AKAIN1: variants seen among roughly 807,000 people sequenced by gnomAD.
AKAIN1 encodes the protein A-kinase anchor inhibitor 1.
A neutral mutation model predicts 3.7 loss-of-function variants in AKAIN1; 3 were observed. The observed-to-expected ratio is 0.82, with a 90% confidence interval of 0.37 to 2.12. The LOEUF (loss-of-function observed/expected upper bound fraction) is 2.12, where lower values mean the gene tolerates loss of function less well. Among genes scored for constraint, AKAIN1 ranks in the 30% most tolerant of loss-of-function variants. The pLI is 0.06. For missense variants in AKAIN1, 82 were observed against 82.7 expected, an observed-to-expected ratio of 0.99 and a Z score of 0.03; for synonymous variants, 31 against 30.8, an observed-to-expected ratio of 1.01 and a Z score of -0.02.
intron 1 of AKAIN1, among the ~76,000 whole-genome samples, chr18:5,188,166 C>G (rs2071298249): frequency 6.6e-6 from 1 of 152,118 alleles, no homozygotes; most frequent in African/African-American, 2.4e-5. Flanking sequence ...AGGCTTTGGA[C>G]AACCTTTCCC....
chr18:5,169,842 T>C (rs896131909), intron 1 of AKAIN1, among the ~76,000 whole-genome samples: 3 of 152,168 alleles, frequency 2.0e-5, no homozygotes, highest in African/African-American at 7.2e-5. Context: ...AACAAAATGA[T>C]TTTTATCTCA....
chr18:5,156,582 C>T (rs1226120789), intron 1 of AKAIN1, among the ~76,000 whole-genome samples: 1 of 152,110 alleles, frequency 6.6e-6, no homozygotes, highest in Non-Finnish European at 1.5e-5. Context: ...TTCCCATATC[C>T]CTTCATGACA....
At chr18:5,180,357 C>T (rs1438854515) in intron 1 of AKAIN1, among the ~76,000 whole-genome samples, 1 of 152,088 alleles carries the variant, frequency 6.6e-6, no homozygotes, top group South Asian at 2.1e-4. Context: ...CTGCTGTTTT[C>T]TCTTTTCCCA....
At chr18:5,156,182 T>C (rs561911173) in intron 1 of AKAIN1, among the ~76,000 whole-genome samples, 1 of 152,262 alleles carries the variant, frequency 6.6e-6, no homozygotes, top group African/African-American at 2.4e-5. Context: ...ATGCTCTCCC[T>C]TCCTGGGAAG....
upstream of AKAIN1, chr18:5,197,351 G>A (rs2071355257): frequency 7.9e-7 from 1 of 1,268,788 alleles, no homozygotes; most frequent in Non-Finnish European, 1.0e-6. This position sits in a 1 kb window ranked among gnomAD's most constrained non-coding sequence, Gnocchi z 6.9. Flanking sequence ...TGCTGCTTAG[G>A]GAGCAAAGCA....
At chr18:5,168,762 T>G (rs2071180750) in intron 1 of AKAIN1, among the ~76,000 whole-genome samples, 1 of 151,184 alleles carries the variant, frequency 6.6e-6, no homozygotes, top group African/African-American at 2.4e-5. Flanking sequence ...CAGACTCTCA[T>G]AAACCATTAC....
intron 1 of AKAIN1, among the ~76,000 whole-genome samples, chr18:5,166,445 A>G (rs292322): frequency 0.61 from 92,412 of 151,734 alleles, 29,029 homozygotes; most frequent in African/African-American, 0.76. Context: ...TCCCATATAG[A>G]CACACGGACC....
rs541006256 is a variant in AKAIN1 at position 5,180,110 on chromosome 18, C to G, written c.16+16928G>C. Among the ~76,000 whole-genome samples, 3 of 152,250 alleles carry G rather than the reference C, an allele frequency of 2.0e-5. No homozygotes were observed. The East Asian group carries it at 5.8e-4, about 29-fold the overall frequency. On this transcript the variant is annotated intron_variant, in intron 1 of 1. Transcript: ENST00000434239. ...CTCACTTTCTTCCCAAAAGAATTGA[C>G]CCATCTTCCTCTCCAACCTGCTTTG... is the stretch of plus-strand genomic sequence containing the variant.
chr18:5,156,533 C>T (rs565529663), intron 1 of AKAIN1, among the ~76,000 whole-genome samples: 2 of 152,300 alleles, frequency 1.3e-5, no homozygotes, highest in East Asian at 3.9e-4. Flanking sequence ...GAACAGCTCC[C>T]AACCTTTTGA....
At chr18:5,173,355 G>C (rs757730961) in intron 1 of AKAIN1, among the ~76,000 whole-genome samples, 6 of 152,096 alleles carry the variant, frequency 3.9e-5, no homozygotes, top group Non-Finnish European at 7.4e-5. Context: ...TCAAGAAACT[G>C]ACATTTTCCC....
At chr18:5,155,006 T>A (rs1598305736) in intron 1 of AKAIN1, among the ~76,000 whole-genome samples, 1 of 152,216 alleles carries the variant, frequency 6.6e-6, no homozygotes, top group East Asian at 2.0e-4. Flanking sequence ...GGCTGGTTTC[T>A]GTTTAACCCT....
chr18:5,158,714 C>T (rs2071122032), intron 1 of AKAIN1, among the ~76,000 whole-genome samples: 1 of 152,166 alleles, frequency 6.6e-6, no homozygotes, highest in Non-Finnish European at 1.5e-5. Context: ...TTATAAACTT[C>T]CTGAACCCTG....
chr18:5,152,774 T>A (rs537734771), intron 1 of AKAIN1, among the ~76,000 whole-genome samples: 1 of 152,240 alleles, frequency 6.6e-6, no homozygotes, highest in Admixed American at 6.5e-5. Context: ...AAGTCCCTGA[T>A]CTGCGTAACA....
At chr18:5,185,030 G>T (rs2071278975) in intron 1 of AKAIN1, among the ~76,000 whole-genome samples, 1 of 152,022 alleles carries the variant, frequency 6.6e-6, no homozygotes, top group South Asian at 2.1e-4. Context: ...AGAGAGCCCA[G>T]AAATATTACT....
chr18:5,187,148 A>C (rs1334837646), intron 1 of AKAIN1, among the ~76,000 whole-genome samples: 1 of 152,206 alleles, frequency 6.6e-6, no homozygotes, highest in South Asian at 2.1e-4. Flanking sequence ...AGAGCAAAAC[A>C]AAGTCAAAGC....
chr18:5,169,150 G>C (rs936850796), intron 1 of AKAIN1, among the ~76,000 whole-genome samples: 1 of 152,056 alleles, frequency 6.6e-6, no homozygotes, highest in Non-Finnish European at 1.5e-5. Context: ...GAGACTCTAT[G>C]TTGCAGTCTT....
intron 1 of AKAIN1, among the ~76,000 whole-genome samples, chr18:5,179,876 G>T (rs146511046): frequency 0.016 from 2,367 of 152,140 alleles, 28 homozygotes; most frequent in Middle Eastern, 0.061. Flanking sequence ...GTATATTTAC[G>T]TACCTAAAAG....
At chr18:5,186,231 A>G in intron 1 of AKAIN1, among the ~76,000 whole-genome samples, 1 of 152,226 alleles carries the variant, frequency 6.6e-6, no homozygotes, top group South Asian at 2.1e-4. Flanking sequence ...GAGGGTGGAG[A>G]GTGGGAGGAG....
intron 1 of AKAIN1, among the ~76,000 whole-genome samples, chr18:5,169,814 C>T (rs530619943): frequency 1.4e-3 from 219 of 152,274 alleles, no homozygotes; most frequent in African/African-American, 5.1e-3. Flanking sequence ...TAATAATCTA[C>T]ATACATAATT....
Sources: allele counts gnomAD v4.1 joint callset (sites outside exome capture counted in the v4.1 genomes callset), GRCh38; gene constraint gnomAD v4.1.1; non-coding constraint Gnocchi (gnomAD v3.1); transcripts MANE v1.5; gene names NCBI Gene and HGNC (gene_info 2026-07-23, HGNC 2026-07-21).